Variants in AKAP7 observed in about 807,000 individuals in gnomAD.
AKAP7 encodes the protein A kinase (PRKA) anchor protein 7.
Under a neutral mutation model 39.5 loss-of-function variants are expected in AKAP7, and 39 were observed. The observed-to-expected ratio is 0.99, with a 90% CI of 0.76 to 1.29. The LOEUF (loss-of-function observed/expected upper bound fraction) is 1.29, where lower values mean the gene tolerates loss of function less well. Among genes scored for constraint, AKAP7 ranks in the 50% most tolerant of loss-of-function variants. The pLI, the probability that AKAP7 is intolerant of heterozygous loss-of-function variation, is 0.00. For synonymous variants in AKAP7, 140 were observed against 139.1 expected (o/e 1.01, Z -0.05); for missense variants, 414 against 407.7 (o/e 1.02, Z -0.13).
intron 5 of AKAP7, among the ~76,000 whole-genome samples, chr6:131,184,129 C>T (rs1353726631): frequency 6.6e-6 from 1 of 152,212 alleles, no homozygotes; most frequent in Non-Finnish European, 1.5e-5. Flanking sequence ...TTGCTCCTTT[C>T]TCCTTGAGGG....
rs879324235 is a variant in AKAP7 at position 131,136,944 on chromosome 6, T to TTATGTATG, written c.19+1170_19+1177dup. On this transcript the variant is annotated intron_variant, in intron 1 of 7. Transcript: ENST00000431975. ...GGAATAAACTTATTTATGTATGTAC[T>TTATGTATG]TATGTATGTATGTATATATGTATAT... The TTATGTATG allele has an allele frequency of 1.0e-5, 8 of 778,522 alleles. No individual in the cohort carries two copies. In the Admixed American group the frequency reaches 3.8e-4, roughly 37 times the overall value. The allele number at this position is 778,522 out of a possible 1,614,324, so 48.2% of individuals were successfully genotyped here.
intron 5 of AKAP7, among the ~76,000 whole-genome samples, chr6:131,183,113 G>T (rs1486034027): frequency 6.6e-6 from 1 of 152,124 alleles, no homozygotes; most frequent in Non-Finnish European, 1.5e-5. Flanking sequence ...AAACGTTTAT[G>T]TTTACTGATG....
In AKAP7 at chr6:131,247,803, AT is replaced by A. The variant is rs925487885; in HGVS notation, c.850+28002del. On this transcript the variant is annotated intron_variant, in intron 7 of 7. Coordinates refer to ENST00000431975, the MANE Select transcript of AKAP7 (RefSeq NM_016377.4). Reference sequence around the variant, plus strand: ...CCACTATGCCCAGCTAATTTTTAAAATTTTTTTGTAGAGATGGGGTCTCACT... The same window carrying A: ...CCACTATGCCCAGCTAATTTTTAAAATTTTTTGTAGAGATGGGGTCTCACT... Among the ~76,000 whole-genome samples the A allele has an allele frequency of 2.4e-4, 36 of 151,644 alleles. No individual in the cohort carries two copies. In the Middle Eastern group the frequency reaches 0.01, roughly 44 times the overall value.
intron 7 of AKAP7, chr6:131,250,275 C>A: frequency 8.3e-7 from 1 of 1,198,004 alleles, no homozygotes; most frequent in South Asian, 2.5e-5. Flanking sequence ...TGGCCAGGGA[C>A]TCACAGTTTT....
intron 1 of AKAP7, among the ~76,000 whole-genome samples, chr6:131,138,127 C>T (rs1800734870): frequency 6.6e-6 from 1 of 152,182 alleles, no homozygotes; most frequent in South Asian, 2.1e-4. Context: ...CACCACCCTC[C>T]CCAGCCTCTG....
intron 7 of AKAP7, among the ~76,000 whole-genome samples, chr6:131,232,551 G>T (rs1437384559): frequency 6.6e-6 from 1 of 152,042 alleles, no homozygotes; most frequent in Non-Finnish European, 1.5e-5. Flanking sequence ...TTACTGGCCG[G>T]CCGGTGGCTC....
rs1810875265 is a variant in AKAP7, at chr6:131,234,493, GA to G, written c.850+14686del. ...TCAGTGTGGAGGGAGGCAAATGAAA[GA>G]GAGATTTTCCAGGCCGAGAAAGCAG... On this transcript the variant is annotated intron_variant, in intron 7 of 7. Transcript: ENST00000431975. Among the ~76,000 whole-genome samples, 2 of 152,110 alleles carry G rather than the reference GA, an allele frequency of 1.3e-5. 1 individual carries two copies. The highest frequency in any genetic ancestry group is 4.1e-4 in the South Asian group (2 of 4,826).
rs12662825 is a variant in AKAP7, at chr6:131,267,442, G to A, written c.851-14088G>A. ...GGTTGAAATAAGCAACCTTGAAGAC[G>A]AGCCTTAATAATTTGTGTATGTCTT... On this transcript the variant is annotated intron_variant, in intron 7 of 7. Transcript: ENST00000431975. 0.014 allele frequency among the ~76,000 whole-genome samples: 2,178 copies of A among 152,234 alleles called. 141 individuals carry two copies. In the East Asian group the frequency reaches 0.18, roughly 12 times the overall value.
At chr6:131,154,160 A>T (rs1802201379) in intron 2 of AKAP7, among the ~76,000 whole-genome samples, 1 of 152,092 alleles carries the variant, frequency 6.6e-6, no homozygotes, top group African/African-American at 2.4e-5. Context: ...GTGAGCAGAG[A>T]TCGCTCCATT....
intron 6 of AKAP7, among the ~76,000 whole-genome samples, chr6:131,201,894 G>C (rs1807602976): frequency 6.6e-6 from 1 of 152,154 alleles, no homozygotes; most frequent in Non-Finnish European, 1.5e-5. Context: ...TCAAAGATCA[G>C]ATAGTTGTAG....
At chr6:131,129,218 C>T in the AKAP7 span, among the ~76,000 whole-genome samples, 25 of 146,542 alleles carry the variant, frequency 1.7e-4, no homozygotes, top group Admixed American at 4.9e-4. Flanking sequence ...ACCCGAGAGG[C>T]GGAAGTTGCA....
chr6:131,214,813 A>G (rs1808994080), intron 6 of AKAP7, among the ~76,000 whole-genome samples: 1 of 152,206 alleles, frequency 6.6e-6, no homozygotes, highest in Non-Finnish European at 1.5e-5. Flanking sequence ...ATAATGATTA[A>G]TATTCTTAGA....
chr6:131,246,053 A>G (rs1302762024), intron 7 of AKAP7, among the ~76,000 whole-genome samples: 1 of 151,030 alleles, frequency 6.6e-6, no homozygotes, highest in Non-Finnish European at 1.5e-5. Context: ...TTTGCTTTTT[A>G]TTATGACTCA....
intron 1 of AKAP7, among the ~76,000 whole-genome samples, chr6:131,137,998 A>G (rs1022188985): frequency 1.3e-5 from 2 of 152,124 alleles, no homozygotes; most frequent in Admixed American, 6.5e-5. Context: ...TGCATTCTTC[A>G]TAGTCATTGT....
intron 7 of AKAP7, among the ~76,000 whole-genome samples, chr6:131,265,071 A>T (rs1231782122): frequency 6.6e-6 from 1 of 152,228 alleles, no homozygotes; most frequent in South Asian, 2.1e-4. Context: ...TCTAAACCAT[A>T]TTAATAGCTC....
intron 7 of AKAP7, among the ~76,000 whole-genome samples, chr6:131,248,581 T>TA (rs1812216405): frequency 6.6e-6 from 1 of 152,220 alleles, no homozygotes; most frequent in Non-Finnish European, 1.5e-5. Context: ...CCTACTGCCT[T>TA]ATTTTTGGGT....
At chr6:131,170,888 G>C (rs1242735411) in intron 5 of AKAP7, among the ~76,000 whole-genome samples, 1 of 152,186 alleles carries the variant, frequency 6.6e-6, no homozygotes, top group Non-Finnish European at 1.5e-5. Flanking sequence ...CAGAAGTAGA[G>C]CTGTTTAGTT....
At chr6:131,153,355 A>G (rs925048638) in intron 2 of AKAP7, among the ~76,000 whole-genome samples, 4 of 152,220 alleles carry the variant, frequency 2.6e-5, no homozygotes, top group Admixed American at 6.5e-5. Flanking sequence ...TCCAGTTCAA[A>G]GGAAAGTTAA....
chr6:131,275,089 A>C (rs1327055192), intron 7 of AKAP7, among the ~76,000 whole-genome samples: 2 of 152,314 alleles, frequency 1.3e-5, no homozygotes, highest in South Asian at 4.1e-4. Flanking sequence ...TCATTTTTAC[A>C]TACTTAGTAG....
Sources: gnomAD v4.1 joint callset for allele counts (sites outside exome capture counted in the v4.1 genomes callset) on GRCh38, gnomAD v4.1.1 for gene constraint, MANE v1.5 for transcripts, NCBI Gene and HGNC (gene_info 2026-07-23, HGNC 2026-07-21) for gene names.